Variants in GRM8 observed in about 807,000 individuals in gnomAD.
GRM8 encodes glutamate metabotropic receptor 8.
GRM8 carries 47 observed loss-of-function variants against 87.2 expected under a neutral mutation model. The ratio of observed to expected loss-of-function variants is 0.54; its 90% CI spans 0.43 to 0.69. The LOEUF is 0.69. Among genes scored for constraint, GRM8 ranks in the 30% least tolerant of loss-of-function variants. The pLI is 0.00. For synonymous variants in GRM8, 396 were observed against 404.5 expected, an observed-to-expected ratio of 0.98 and a Z score of 0.25; for missense variants, 1,019 against 1,139.2, an observed-to-expected ratio of 0.89 and a Z score of 1.52.
intron 6 of GRM8, among the ~76,000 whole-genome samples, chr7:126,852,861 T>C (rs1469151986): frequency 6.6e-6 from 1 of 152,144 alleles, no homozygotes; most frequent in African/African-American, 2.4e-5. Context: ...ATGGATAAAA[T>C]TTTACCTTTT....
chr7:127,019,522 A>C (rs1816040567), intron 3 of GRM8, among the ~76,000 whole-genome samples: 1 of 152,120 alleles, frequency 6.6e-6, no homozygotes, highest in Admixed American at 6.6e-5. Context: ...TATAAAGCAT[A>C]AATAGATTTC....
chr7:127,042,334 A>C (rs546498735), intron 3 of GRM8, among the ~76,000 whole-genome samples: 1 of 152,358 alleles, frequency 6.6e-6, no homozygotes, highest in African/African-American at 2.4e-5. Context: ...AATGGGTTAT[A>C]TATCTAGACA....
chr7:126,913,168 T>G (rs1803500377), intron 3 of GRM8, among the ~76,000 whole-genome samples: 1 of 152,242 alleles, frequency 6.6e-6, no homozygotes, highest in Non-Finnish European at 1.5e-5. Context: ...CTTATTGGGA[T>G]GAAATTACTT....
At chr7:127,104,795 C>T (rs1825661870) in intron 3 of GRM8, among the ~76,000 whole-genome samples, 2 of 152,256 alleles carry the variant, frequency 1.3e-5, no homozygotes, top group Non-Finnish European at 2.9e-5. Context: ...GACAGTATTA[C>T]CAAAGCACAG....
intron 7 of GRM8, among the ~76,000 whole-genome samples, chr7:126,620,465 C>A (rs1430229856): frequency 1.3e-5 from 2 of 152,050 alleles, no homozygotes; most frequent in East Asian, 3.9e-4. Context: ...GCATCTCAAG[C>A]ACTCCAACAT....
chr7:127,214,811 C>T (rs1041397287), intron 2 of GRM8, among the ~76,000 whole-genome samples: 30 of 151,880 alleles, frequency 2.0e-4, no homozygotes, highest in Non-Finnish European at 3.5e-4. Flanking sequence ...ATGTTAAAAC[C>T]TTTTTTTTCC....
chr7:126,768,871 G>A (rs866722039), intron 7 of GRM8, among the ~76,000 whole-genome samples: 7 of 148,130 alleles, frequency 4.7e-5, no homozygotes, highest in South Asian at 2.1e-4. Context: ...TGCCACAGAC[G>A]ATGTGTGTTG....
At chr7:126,482,606 C>T (rs1473413520) in intron 9 of GRM8, among the ~76,000 whole-genome samples, 1 of 151,890 alleles carries the variant, frequency 6.6e-6, no homozygotes, top group Non-Finnish European at 1.5e-5. Context: ...AAATCACAGA[C>T]ACAAAGCAGA....
chr7:126,931,191 A>G (rs922316804), intron 3 of GRM8, among the ~76,000 whole-genome samples: 4 of 152,236 alleles, frequency 2.6e-5, no homozygotes, highest in African/African-American at 7.2e-5. Flanking sequence ...TGCCAGAGCT[A>G]ACAAACCACA....
chr7:126,543,547 A>C (rs1816781879), intron 8 of GRM8, among the ~76,000 whole-genome samples: 1 of 152,216 alleles, frequency 6.6e-6, no homozygotes, highest in Non-Finnish European at 1.5e-5. Context: ...AGAAAGACTA[A>C]AATGCCATGT....
chr7:126,978,296 C>G (rs1022844473), intron 3 of GRM8, among the ~76,000 whole-genome samples: 2 of 152,044 alleles, frequency 1.3e-5, no homozygotes, highest in Non-Finnish European at 2.9e-5. Flanking sequence ...TCTATATAGC[C>G]TGGACAACCC....
At chr7:127,166,080 T>C (rs1317818909) in intron 2 of GRM8, among the ~76,000 whole-genome samples, 2 of 152,176 alleles carry the variant, frequency 1.3e-5, no homozygotes, top group Non-Finnish European at 1.5e-5. Context: ...TTTCTACTAA[T>C]GAAAATCATC....
At chr7:126,976,156 A>C (rs920258993) in intron 3 of GRM8, among the ~76,000 whole-genome samples, 2 of 152,208 alleles carry the variant, frequency 1.3e-5, no homozygotes, top group African/African-American at 4.8e-5. Flanking sequence ...TACTTCAAAA[A>C]ATATATTTTC....
intron 8 of GRM8, among the ~76,000 whole-genome samples, chr7:126,538,182 T>G (rs1000928986): frequency 1.3e-5 from 2 of 152,232 alleles, no homozygotes; most frequent in Non-Finnish European, 2.9e-5. Flanking sequence ...CAAATCCTGT[T>G]ATTATTGCAG....
At chr7:126,678,988 A>AT (rs1807271694) in intron 7 of GRM8, among the ~76,000 whole-genome samples, 1 of 152,124 alleles carries the variant, frequency 6.6e-6, no homozygotes, top group African/African-American at 2.4e-5. Context: ...ATCTAATCCC[A>AT]TTTTTCCTTC....
intron 7 of GRM8, among the ~76,000 whole-genome samples, chr7:126,634,576 TTG>T (rs1278299891): frequency 2.0e-5 from 3 of 152,126 alleles, no homozygotes; most frequent in Non-Finnish European, 2.9e-5. Context: ...AAGCTCAAAA[TTG>T]GTGTACCAGA....
At chr7:126,780,453 A>G (rs901277797) in intron 6 of GRM8, among the ~76,000 whole-genome samples, 2 of 152,226 alleles carry the variant, frequency 1.3e-5, no homozygotes, top group African/African-American at 4.8e-5. Context: ...TATCTTTATT[A>G]TTATCATTCA....
chr7:126,461,633 C>G (rs754583509), intron 9 of GRM8, among the ~76,000 whole-genome samples: 2 of 151,624 alleles, frequency 1.3e-5, no homozygotes, highest in Non-Finnish European at 3.0e-5. Flanking sequence ...CATCCTCTTT[C>G]TTTCATCCTT....
chr7:126,929,393 A>T lies in GRM8; in HGVS notation c.728-24710T>A, dbSNP rs571806567. Among the ~76,000 whole-genome samples, 102 of 152,314 alleles carry T rather than the reference A, an allele frequency of 6.7e-4. 2 individuals carry two copies. Among genetic ancestry groups the T allele is most frequent in the Non-Finnish European group, 5.3e-4 (36 of 68,032 alleles). On this transcript the variant is annotated intron_variant, in intron 3 of 10. Coordinates refer to ENST00000339582, the MANE Select transcript of GRM8 (RefSeq NM_000845.3). ...AATTGAGCATATGAAATGCAGCTAG[A>T]GTGACTAAAAAACTGAGTTTTAAAT...
Sources: allele counts gnomAD v4.1 joint callset (sites outside exome capture counted in the v4.1 genomes callset), GRCh38; gene constraint gnomAD v4.1.1; transcripts MANE v1.5; gene names NCBI Gene and HGNC (gene_info 2026-07-23, HGNC 2026-07-21).